Variants in ABCC3 observed in about 807,000 individuals in gnomAD.
The protein encoded by ABCC3 is ATP binding cassette subfamily C member 3, also known as ATP-binding cassette sub-family C member 3.
In ABCC3, 121 loss-of-function variants were observed where a neutral mutation model predicts 165.3. That is an observed-to-expected ratio of 0.73 (90% CI 0.63 to 0.85). The LOEUF is 0.85. ABCC3 is among the 40% of genes least tolerant of loss of function. The pLI is 0.00. For synonymous variants in ABCC3, 733 were observed against 810.1 expected, an observed-to-expected ratio of 0.90 and a Z score of 1.62; for missense variants, 1,869 against 1,964.1, an observed-to-expected ratio of 0.95 and a Z score of 0.92.
rs556975514 is a variant in ABCC3, at chr17:50,683,549, C to T, written c.3808-61C>T. On this transcript the variant is annotated intron_variant, in intron 26 of 30. Transcript: ENST00000285238. The stretch of plus-strand genomic sequence containing the variant: ...TTGAGGGGCCTTGGGGGAGAGAGAC[C>T]GAAAGGTGAAAGAGGGCTTCACTGG... 18 of 1,473,058 alleles carry T rather than the reference C, an allele frequency of 1.2e-5. No individual in the cohort carries two copies. The East Asian group carries it at 1.2e-4, about 10-fold the overall frequency. 91.2% of individuals were successfully genotyped at this position (1,473,058 alleles called of 1,614,324 possible). A position where few individuals can be genotyped will look rare whatever the true frequency, so the allele number is the denominator to read the frequency against.
At chr17:50,690,828 G>T (rs1229291209) in intron 30 of ABCC3, among the ~76,000 whole-genome samples, 2 of 152,246 alleles carry the variant, frequency 1.3e-5, no homozygotes, top group East Asian at 3.8e-4. Flanking sequence ...AAGGGGAAGG[G>T]CTCATTAGGG....
chr17:50,638,896 C>T (rs2054202421), intron 1 of ABCC3, among the ~76,000 whole-genome samples: 2 of 152,304 alleles, frequency 1.3e-5, no homozygotes, highest in South Asian at 4.1e-4. Context: ...TGCTTCAGGT[C>T]TGGAGTTGCC....
chr17:50,649,413 G>T (rs1967067489), intron 1 of ABCC3, among the ~76,000 whole-genome samples: 1 of 152,112 alleles, frequency 6.6e-6, no homozygotes, highest in East Asian at 1.9e-4. Context: ...TGATGATCTG[G>T]CAGCTTGTGA....
Position 50,667,844 on chromosome 17 carries a change from C to A in ABCC3, c.1636-19C>A, listed in dbSNP as rs368351812. 3.1e-6 allele frequency: 5 copies of A among 1,613,670 alleles called. No individual in the cohort carries two copies. In the Middle Eastern group the frequency reaches 4.9e-4, roughly 159 times the overall value. On this transcript the variant is annotated intron_variant, in intron 12 of 30. Coordinates refer to ENST00000285238, the MANE Select transcript of ABCC3 (RefSeq NM_003786.4). ...GGGCTCATTGGACTCTACCCTGACA[C>A]CACCTCCACGCTGCTCAGGTGACCC...
intron 18 of ABCC3, 22 bp from the exon 19 acceptor site, chr17:50,673,447 G>C (rs371465594): frequency 1.1e-4 from 175 of 1,610,184 alleles, no homozygotes; most frequent in Non-Finnish European, 1.3e-4. Flanking sequence ...GTAGGGGTGA[G>C]AGCCTGCTGC....
chr17:50,688,132 A>G (rs1968057389), intron 30 of ABCC3, among the ~76,000 whole-genome samples: 1 of 151,562 alleles, frequency 6.6e-6, no homozygotes, highest in Admixed American at 6.6e-5. Context: ...CTGGTCTCGA[A>G]CTCCTGACCT....
At chr17:50,683,858 C>T in intron 27 of ABCC3, 91 bp from the exon 28 acceptor site, 7 of 1,561,894 alleles carry the variant, frequency 4.5e-6, no homozygotes, top group Non-Finnish European at 6.1e-6. Context: ...AGTGCTCCAG[C>T]CACATGTTTG....
At chr17:50,672,872 A>T in intron 17 of ABCC3, 99 bp from the exon 18 acceptor site, 2 of 805,072 alleles carry the variant, frequency 2.5e-6, no homozygotes, top group South Asian at 5.1e-5. Context: ...CATCTCAGGA[A>T]AAAAAAAAAA....
chr17:50,647,641 G>C (rs1418353388), intron 1 of ABCC3, among the ~76,000 whole-genome samples: 1 of 152,240 alleles, frequency 6.6e-6, no homozygotes, highest in Non-Finnish European at 1.5e-5. Flanking sequence ...AGGAATGCTT[G>C]CCAAGAAACC....
At chr17:50,677,400 G>A (rs912622581) in intron 23 of ABCC3, among the ~76,000 whole-genome samples, 4 of 152,170 alleles carry the variant, frequency 2.6e-5, no homozygotes, top group African/African-American at 9.7e-5. Context: ...TCAACACCTG[G>A]GTATAGCGAC....
At chr17:50,664,804 G>A in intron 10 of ABCC3, 1 of 241,988 alleles carries the variant, frequency 4.1e-6, no homozygotes, top group South Asian at 6.2e-5. Flanking sequence ...GTCTGCAAAG[G>A]AATCTTCCCA....
intron 17 of ABCC3, among the ~76,000 whole-genome samples, 175 bp from the exon 18 acceptor site, chr17:50,672,796 C>T (rs142377692): frequency 8.4e-4 from 127 of 151,702 alleles, no homozygotes; most frequent in Non-Finnish European, 1.3e-3. Flanking sequence ...TGCTCAAACG[C>T]GAGAGGCAGA....
In ABCC3 at chr17:50,660,696, T is replaced by A. The variant is rs532974120; in HGVS notation, c.807-227T>A. ...GGGCCAGACTGGGGGGATAGCTGGG[T>A]TTTAGAGTCCTTGTGGTAGCAGTCT... On this transcript the variant is annotated intron_variant, in intron 7 of 30. Coordinates refer to ENST00000285238, the MANE Select transcript of ABCC3 (RefSeq NM_003786.4). 3.3e-5 allele frequency among the ~76,000 whole-genome samples: 5 copies of A among 152,004 alleles called. No homozygotes were observed. In the East Asian group the frequency reaches 9.7e-4, roughly 29 times the overall value.
chr17:50,677,859 A>G lies in ABCC3; in HGVS notation c.3494A>G (p.Asn1165Ser), dbSNP rs1967852600. 5.6e-6 allele frequency: 9 copies of G among 1,613,960 alleles called. No homozygotes were observed. Among genetic ancestry groups the G allele is most frequent in the African/African-American group, 1.3e-5 (1 of 74,856 alleles). ...VTGASVIRAY[N>S]RSRDFEIISD... The stretch of plus-strand genomic sequence containing the variant: ...GGTGCCAGTGTCATCCGGGCCTACA[A>G]CCGCAGCCGGGATTTTGAGATCATC... The change falls in exon 24 of 31, where the codon AAC becomes AGC. Residue 1165 changes from asparagine (N) to serine (S), a missense_variant. By Grantham distance (46) the Asn-to-Ser change is conservative. Transcript: ENST00000285238.
intron 29 of ABCC3, among the ~76,000 whole-genome samples, chr17:50,686,026 T>C (rs1270006000): frequency 1.3e-5 from 2 of 152,194 alleles, no homozygotes; most frequent in South Asian, 2.1e-4. Context: ...TGAAACCCTG[T>C]CTCTGCTAAA....
At chr17:50,676,192 C>T in intron 22 of ABCC3, 86 bp from the exon 23 acceptor site, 3 of 1,589,464 alleles carry the variant, frequency 1.9e-6, no homozygotes, top group Non-Finnish European at 1.7e-6. Flanking sequence ...CCCTAACCCA[C>T]TCTGGTCAAC....
At position 50,675,979 on chromosome 17, in the gene ABCC3, A is replaced by T; in HGVS notation, c.2956A>T (p.Ile986Phe). 2.5e-6 allele frequency: 4 copies of T among 1,614,174 alleles called. No individual in the cohort carries two copies. In the South Asian group the frequency reaches 4.4e-5, roughly 18 times the overall value. ...LLYVGQSAAAIGANVWLSAWT... is the reference protein window; with the variant it reads ...LLYVGQSAAAFGANVWLSAWT... ...GTATGTGGGTCAAAGTGCGGCTGCC[A>T]TTGGAGCCAATGTGTGGCTCAGTGC... Residue 986 changes from isoleucine to phenylalanine, a missense_variant, in exon 22 of 31, where the codon ATT (isoleucine) becomes TTT (phenylalanine). Coordinates refer to ENST00000285238, the MANE Select transcript of ABCC3 (RefSeq NM_003786.4).
chr17:50,654,858 C>T (rs528825168), intron 1 of ABCC3, among the ~76,000 whole-genome samples: 4 of 149,172 alleles, frequency 2.7e-5, no homozygotes, highest in African/African-American at 9.9e-5. Context: ...TTTCGGAGGC[C>T]GAGGCGGGCA....
At chr17:50,659,564 G>GGGCAGGA (rs1350961165) in intron 7 of ABCC3, among the ~76,000 whole-genome samples, 196 bp downstream of exon 7, 3 of 152,184 alleles carry the variant, frequency 2.0e-5, no homozygotes, top group African/African-American at 7.2e-5. Flanking sequence ...GCTCTGGTGG[G>GGGCAGGA]GGCAGGAGAA....
Sources: allele counts gnomAD v4.1 joint callset (sites outside exome capture counted in the v4.1 genomes callset), GRCh38; gene constraint gnomAD v4.1.1; transcripts MANE v1.5; gene names NCBI Gene and HGNC (gene_info 2026-07-23, HGNC 2026-07-21).